The following MDM4 variants were observed in gnomAD, a reference collection of about 807,000 sequenced individuals.
MDM4 encodes the protein protein Mdm4.
Under a neutral mutation model 60.2 loss-of-function variants are expected in MDM4, and 2 were observed. That is an observed-to-expected ratio of 0.03 (90% CI 0.01 to 0.10). The LOEUF (loss-of-function observed/expected upper bound fraction) is 0.10, where lower values mean the gene tolerates loss of function less well. Among genes scored for constraint, MDM4 ranks in the 10% least tolerant of loss-of-function variants. MDM4 has a pLI of 1.00. For missense variants in MDM4, 447 were observed against 577.5 expected, an observed-to-expected ratio of 0.77 and a Z score of 2.32; for synonymous variants, 202 against 198.1, an observed-to-expected ratio of 1.02 and a Z score of -0.17.
chr1:204,542,486 G>A (rs1175556242), intron 7 of MDM4, among the ~76,000 whole-genome samples: 1 of 151,978 alleles, frequency 6.6e-6, no homozygotes, highest in South Asian at 2.1e-4. Context: ...CAAGGTCATT[G>A]TTCAGATGCT....
intron 4 of MDM4, among the ~76,000 whole-genome samples, chr1:204,531,964 A>G (rs945113783): frequency 1.3e-5 from 2 of 152,226 alleles, no homozygotes; most frequent in Non-Finnish European, 2.9e-5. Flanking sequence ...TAAAATGTAA[A>G]TTAATCAGTT....
At chr1:204,538,494 C>A (rs575588288) in intron 7 of MDM4, among the ~76,000 whole-genome samples, 186 bp downstream of exon 7, 224 of 152,256 alleles carry the variant, frequency 1.5e-3, no homozygotes, top group Middle Eastern at 6.8e-3. Context: ...ATTTTAGCAA[C>A]CCGTGAGTAC....
Position 204,530,737 on chromosome 1 carries a change from G to A in MDM4, c.207G>A (p.Gln69=), listed in dbSNP as rs1423120788. 6.2e-7 allele frequency: 1 copy of A among 1,614,068 alleles called. No individual in the cohort carries two copies. The highest frequency in any genetic ancestry group is 8.5e-7 in the Non-Finnish European group (1 of 1,180,026). The change falls in exon 4 of 11, where the codon CAG becomes CAA. Residue 69 remains glutamine (Q), a synonymous_variant. Transcript: ENST00000367182. ...TGGTGAAGCAACTTTATGATCAGCA[G>A]GAGCAGCATATGGTATATTGTGGTG... ...YIMVKQLYDQ[Q]EQHMVYCGGD... is the part of the protein sequence containing the mutation.
At chr1:204,518,913 T>A (rs549222426) in intron 1 of MDM4, among the ~76,000 whole-genome samples, 12 of 152,176 alleles carry the variant, frequency 7.9e-5, no homozygotes, top group East Asian at 1.9e-4. Flanking sequence ...CTGCCTGCCT[T>A]GGCCTCCCAA....
Position 204,553,901 on chromosome 1 carries a change from A to G in MDM4, c.*4219A>G. 1 of 223,856 alleles carries G rather than the reference A, an allele frequency of 4.5e-6. No individual in the cohort carries two copies. Among genetic ancestry groups the G allele is most frequent in the Non-Finnish European group, 8.9e-6 (1 of 112,158 alleles). 13.9% of individuals were successfully genotyped at this position (223,856 alleles called of 1,614,324 possible). ...TATGGGTTTCTAATCCTAGGCTTGTACAATGGATTGGAGTTGAGCCATGCC... is the reference window on the plus strand; with the variant it reads ...TATGGGTTTCTAATCCTAGGCTTGTGCAATGGATTGGAGTTGAGCCATGCC... On this transcript the variant is annotated 3_prime_UTR_variant, in exon 11 of 11. Transcript: ENST00000367182.
intron 5 of MDM4, 134 bp downstream of exon 5, chr1:204,532,380 G>A: frequency 3.1e-6 from 2 of 650,896 alleles, no homozygotes; most frequent in Admixed American, 2.8e-5. Context: ...CATACTACCT[G>A]TCACACAGAA....
intron 7 of MDM4, among the ~76,000 whole-genome samples, chr1:204,539,523 T>A: frequency 6.7e-6 from 1 of 148,594 alleles, no homozygotes; most frequent in South Asian, 2.1e-4. Flanking sequence ...CTTGTTTTTT[T>A]TTTTTGTTTT....
chr1:204,541,945 T>C (rs1337166235), intron 7 of MDM4, among the ~76,000 whole-genome samples: 1 of 152,026 alleles, frequency 6.6e-6, no homozygotes, highest in African/African-American at 2.4e-5. Flanking sequence ...TAGAAGAGAA[T>C]GAGAAAGTAA....
intron 6 of MDM4, chr1:204,537,708 C>G (rs1661559589): frequency 1.6e-6 from 1 of 606,308 alleles, no homozygotes; most frequent in Non-Finnish European, 2.9e-6. Context: ...GGATGTAGCA[C>G]TTCTGATCTT....
At chr1:204,529,086 G>A (rs1380145544) in intron 3 of MDM4, 1 of 1,411,476 alleles carries the variant, frequency 7.1e-7, no homozygotes, top group South Asian at 1.2e-5. Flanking sequence ...CTGCAGCTCT[G>A]TGTAGCTAAT....
rs148309136 is a variant in MDM4 at position 204,550,764 on chromosome 1, G to C, written c.*1082G>C. 9 of 173,530 alleles carry C rather than the reference G, an allele frequency of 5.2e-5. No individual in the cohort carries two copies. The highest frequency in any genetic ancestry group is 2.3e-3 in the Middle Eastern group (1 of 440). 10.7% of individuals were successfully genotyped at this position (173,530 alleles called of 1,614,324 possible). A position where few individuals can be genotyped will look rare whatever the true frequency, so the allele number is the denominator to read the frequency against. ...GCCCAGGCTGGTCTCGAACTCCTGG[G>C]TTTAAGTGATTCCCCCGCCTCAGCC... On this transcript the variant is annotated 3_prime_UTR_variant, in exon 11 of 11. Transcript: ENST00000367182.
chr1:204,529,989 G>A (rs983975367), intron 3 of MDM4, among the ~76,000 whole-genome samples: 1 of 152,102 alleles, frequency 6.6e-6, no homozygotes, highest in Admixed American at 6.5e-5. Context: ...TGATCCTCCC[G>A]CCTCAGCCTT....
At chr1:204,525,058 A>G (rs1419766903) in intron 1 of MDM4, among the ~76,000 whole-genome samples, 2 of 152,320 alleles carry the variant, frequency 1.3e-5, no homozygotes, top group East Asian at 1.9e-4. Flanking sequence ...ACATGTTCCA[A>G]CATGTTGTAG....
chr1:204,542,909 A>G lies in MDM4; in HGVS notation c.637A>G (p.Arg213Gly), dbSNP rs1662263443. The G allele has an allele frequency of 6.2e-7, 1 of 1,613,298 alleles. No individual in the cohort carries two copies. The part of the protein sequence containing the change: ...LGNLRSNYTP[R>G]SNGSTDLQTN... The stretch of plus-strand genomic sequence containing the variant: ...AAACTTGAGAAGCAACTATACACCT[A>G]GAAGTAATGGCTCAACTGATTTACA... The change falls in exon 8 of 11, where the codon AGA becomes GGA. Residue 213 changes from arginine to glycine, a missense_variant. Physicochemically the swap from Arg to Gly is moderately radical, Grantham distance 125. Around this residue, in one of 8 missense-constraint regions of MDM4, gnomAD observed 184 missense variants for 179.3 expected, o/e 1.03. Transcript: ENST00000367182.
rs1257015108 is a variant in MDM4 at position 204,549,280 on chromosome 1, T to C, written c.1071T>C (p.Asn357=). The change falls in exon 11 of 11, where the codon AAT becomes AAC. Residue 357 remains asparagine, a synonymous_variant. Coordinates refer to ENST00000367182, the MANE Select transcript of MDM4 (RefSeq NM_002393.5). ...TAIPEKENEG[N]DVPDCRRTIS... ...TACCTGAAAAGGAAAATGAAGGAAA[T>C]GATGTCCCTGATTGTCGAAGAACCA... The C allele has an allele frequency of 6.2e-7, 1 of 1,614,070 alleles. No individual in the cohort carries two copies. The highest frequency in any genetic ancestry group is 8.5e-7 in the Non-Finnish European group (1 of 1,180,032).
chr1:204,525,633 T>C, intron 2 of MDM4, 37 bp downstream of exon 2: 1 of 1,417,282 alleles, frequency 7.1e-7, no homozygotes, highest in Non-Finnish European at 9.7e-7. Context: ...TTTTGGTTTT[T>C]TTTTTTTTTA....
chr1:204,537,367 T>G (rs1269042316), intron 5 of MDM4, 63 bp from the exon 6 acceptor site: 2 of 1,347,136 alleles, frequency 1.5e-6, no homozygotes. Flanking sequence ...CTGAGGTCCT[T>G]TTTGTGTGGA....
In MDM4 at chr1:204,551,353, C is replaced by A; in HGVS notation, c.*1671C>A. The A allele has an allele frequency of 4.4e-6, 1 of 229,458 alleles. No homozygotes were observed. The allele number at this position is 229,458 out of a possible 1,614,324, so 14.2% of individuals were successfully genotyped here. ...GAGCTACTGCCCCCTACCCTCTTTGCGTCTTAGGAGTCATTTAGATTTTTT... is the reference window on the plus strand; with the variant it reads ...GAGCTACTGCCCCCTACCCTCTTTGAGTCTTAGGAGTCATTTAGATTTTTT... On this transcript the variant is annotated 3_prime_UTR_variant, in exon 11 of 11. Transcript: ENST00000367182.
intron 3 of MDM4, chr1:204,529,545 G>T (rs1403612424): frequency 3.1e-5 from 46 of 1,492,600 alleles, no homozygotes; most frequent in Non-Finnish European, 3.9e-5. Flanking sequence ...CCCTCCAGGG[G>T]CAGGACCCCC....
Sources: gnomAD v4.1 joint callset for allele counts (sites outside exome capture counted in the v4.1 genomes callset) on GRCh38, gnomAD v4.1.1 for gene constraint, gnomAD v4.1.1 regional missense constraint, MANE v1.5 for transcripts, NCBI Gene and HGNC (gene_info 2026-07-23, HGNC 2026-07-21) for gene names.